Variants in TM4SF20 observed in about 807,000 individuals in gnomAD.
TM4SF20 encodes transmembrane 4 L six family member 20.
Under a neutral mutation model 15.1 loss-of-function variants are expected in TM4SF20, and 13 were observed. The ratio of observed to expected loss-of-function variants is 0.86; its 90% CI spans 0.56 to 1.36. The LOEUF is 1.36. Ranked by LOEUF, TM4SF20 falls within the 40% of genes most tolerant of loss-of-function variation. The pLI is 0.00. For missense variants in TM4SF20, 282 were observed against 268.4 expected, an observed-to-expected ratio of 1.05 and a Z score of -0.35; for synonymous variants, 92 against 96.6, an observed-to-expected ratio of 0.95 and a Z score of 0.28.
rs770705274 is a variant in TM4SF20, at chr2:227,370,993, T to C, written c.184-13A>G. The C allele has an allele frequency of 6.2e-7, 1 of 1,611,686 alleles. No homozygotes were observed. Among genetic ancestry groups the C allele is most frequent in the Non-Finnish European group, 8.5e-7 (1 of 1,177,820 alleles). ...TTGCTGGAATGGCCTGGAAATGACA[T>C]CAACAGGAAAGATGAGTATTATAAC... On this transcript the variant is annotated splice_polypyrimidine_tract_variant and intron_variant, in intron 1 of 3. Coordinates refer to ENST00000304568, the MANE Select transcript of TM4SF20 (RefSeq NM_024795.4).
chr2:227,378,071 C>A (rs1466066194), intron 1 of TM4SF20, among the ~76,000 whole-genome samples: 1 of 148,904 alleles, frequency 6.7e-6, no homozygotes, highest in Non-Finnish European at 1.5e-5. Flanking sequence ...CTCTCTCTCT[C>A]TCTCTCTGTC....
intron 1 of TM4SF20, among the ~76,000 whole-genome samples, chr2:227,373,689 A>T (rs933193351): frequency 1.3e-5 from 2 of 152,000 alleles, no homozygotes. Flanking sequence ...CCAGCACTTC[A>T]GGAAGCCAAG....
chr2:227,376,789 A>C (rs1244581886), intron 1 of TM4SF20, among the ~76,000 whole-genome samples: 1 of 152,232 alleles, frequency 6.6e-6, no homozygotes, highest in African/African-American at 2.4e-5. Flanking sequence ...GCACTGGTGG[A>C]AAAACAGAGT....
chr2:227,369,010 C>G (rs2076407493), intron 2 of TM4SF20, among the ~76,000 whole-genome samples: 1 of 152,156 alleles, frequency 6.6e-6, no homozygotes, highest in Non-Finnish European at 1.5e-5. Context: ...TTTTTGATTT[C>G]AGGAATTCAG....
upstream of TM4SF20, chr2:227,379,409 G>A: frequency 3.2e-6 from 2 of 626,136 alleles, no homozygotes; most frequent in East Asian, 5.6e-5. Flanking sequence ...AATAGGGTAG[G>A]ACATTATTAT....
intron 2 of TM4SF20, among the ~76,000 whole-genome samples, chr2:227,370,059 A>G (rs58481750): frequency 0.024 from 3,589 of 152,222 alleles, 138 homozygotes; most frequent in African/African-American, 0.081. Flanking sequence ...GCAGAGTGAC[A>G]CTCCGGTTAA....
chr2:227,379,911 A>G (rs1575027377), upstream of TM4SF20, among the ~76,000 whole-genome samples: 1 of 152,258 alleles, frequency 6.6e-6, no homozygotes, highest in South Asian at 2.1e-4. Flanking sequence ...ATTTTATTTA[A>G]GCCCTTGAAC....
chr2:227,372,830 G>A (rs562628734), intron 1 of TM4SF20, among the ~76,000 whole-genome samples: 51 of 152,128 alleles, frequency 3.4e-4, no homozygotes, highest in Admixed American at 7.2e-4. Flanking sequence ...TCAGCCTCCC[G>A]AGTCGTTGGG....
chr2:227,367,597 C>T lies in TM4SF20; in HGVS notation c.250-1353G>A, dbSNP rs539723072. ...TATTTCAAAATCAGCAGAAATGAAG[C>T]GAGGGAATGCTTTTCCTTTTTCTTT... On this transcript the variant is annotated intron_variant, in intron 2 of 3. Transcript: ENST00000304568. Among the ~76,000 whole-genome samples, 24 of 152,204 alleles carry T rather than the reference C, an allele frequency of 1.6e-4. 1 individual carries two copies. In the South Asian group the frequency reaches 2.9e-3, roughly 18 times the overall value.
intron 2 of TM4SF20, among the ~76,000 whole-genome samples, chr2:227,367,834 G>A (rs913169300): frequency 2.0e-5 from 3 of 151,936 alleles, no homozygotes; most frequent in Non-Finnish European, 4.4e-5. Context: ...TCATGGAGAT[G>A]GACAAAACTT....
At chr2:227,366,845 C>T (rs966178238) in intron 2 of TM4SF20, among the ~76,000 whole-genome samples, 2 of 149,988 alleles carry the variant, frequency 1.3e-5, no homozygotes, top group Non-Finnish European at 3.0e-5. Flanking sequence ...AGATCTAGTT[C>T]CTCCCTGTTT....
At chr2:227,364,059 C>T (rs1426842171) in intron 3 of TM4SF20, 47 bp from the exon 4 acceptor site, 2 of 1,541,948 alleles carry the variant, frequency 1.3e-6, no homozygotes, top group Middle Eastern at 3.4e-4. Flanking sequence ...TATCCCTGAC[C>T]AAAGGAAAGT....
intron 1 of TM4SF20, among the ~76,000 whole-genome samples, chr2:227,376,616 T>C (rs565192486): frequency 6.6e-6 from 1 of 152,364 alleles, no homozygotes; most frequent in African/African-American, 2.4e-5. Context: ...AAAGTAAACT[T>C]AGCTGTAGAA....
At chr2:227,375,119 G>C (rs2076441136) in intron 1 of TM4SF20, among the ~76,000 whole-genome samples, 1 of 151,764 alleles carries the variant, frequency 6.6e-6, no homozygotes, top group Non-Finnish European at 1.5e-5. Context: ...ATAGAAACGG[G>C]TTTCTCCATG....
chr2:227,379,356 T>A, upstream of TM4SF20: 1 of 1,190,708 alleles, frequency 8.4e-7, no homozygotes, highest in Non-Finnish European at 1.2e-6. Flanking sequence ...GGTTAAAATT[T>A]AACGCTAATA....
intron 2 of TM4SF20, among the ~76,000 whole-genome samples, chr2:227,370,474 AG>A (rs1357762454): frequency 1.3e-5 from 2 of 152,092 alleles, no homozygotes. Flanking sequence ...AGCATGTTTC[AG>A]GCCAGGCGCA....
At chr2:227,372,505 G>T (rs2076425953) in intron 1 of TM4SF20, among the ~76,000 whole-genome samples, 1 of 152,050 alleles carries the variant, frequency 6.6e-6, no homozygotes, top group African/African-American at 2.4e-5. Flanking sequence ...TTAGCTGGGC[G>T]AGGTGGTGCA....
intron 1 of TM4SF20, among the ~76,000 whole-genome samples, chr2:227,377,982 TA>T (rs906444666): frequency 3.8e-4 from 56 of 147,906 alleles, no homozygotes; most frequent in South Asian, 3.2e-3. Context: ...ACTGAAAACT[TA>T]AAAAAAAAAG....
At chr2:227,367,412 G>A (rs1260947435) in intron 2 of TM4SF20, among the ~76,000 whole-genome samples, 1 of 152,124 alleles carries the variant, frequency 6.6e-6, no homozygotes, top group Non-Finnish European at 1.5e-5. Context: ...AGTGGCTCAT[G>A]CCTGTAGTCC....
Sources: allele counts gnomAD v4.1 joint callset (sites outside exome capture counted in the v4.1 genomes callset), GRCh38; gene constraint gnomAD v4.1.1; transcripts MANE v1.5; gene names NCBI Gene and HGNC (gene_info 2026-07-23, HGNC 2026-07-21).